The following RANBP17 variants were observed in gnomAD, a reference collection of about 807,000 sequenced individuals.
The protein encoded by RANBP17 is RAN binding protein 17, also known as ran-binding protein 17.
RANBP17 carries 158 observed loss-of-function variants against 141.2 expected under a neutral mutation model. The observed-to-expected ratio is 1.12, with a 90% CI of 0.98 to 1.28. The LOEUF (loss-of-function observed/expected upper bound fraction) is 1.28. Ranked by LOEUF, RANBP17 falls within the 50% of genes most tolerant of loss-of-function variation. The probability of loss-of-function intolerance (pLI) is 0.00; values close to 1 mark genes in which losing one functional copy is unlikely to be tolerated. For missense variants in RANBP17, 1,438 were observed against 1,290.7 expected (o/e 1.11, Z -1.75); for synonymous variants, 430 against 450.0 (o/e 0.96, Z 0.56).
intron 18 of RANBP17, among the ~76,000 whole-genome samples, chr5:171,190,283 A>G (rs765875432): frequency 6.6e-6 from 1 of 152,176 alleles, no homozygotes; most frequent in Non-Finnish European, 1.5e-5. Flanking sequence ...ATTAGATGCT[A>G]TGTGCCCCAG....
At chr5:171,010,561 T>C (rs921809316) in intron 14 of RANBP17, among the ~76,000 whole-genome samples, 66 of 152,116 alleles carry the variant, frequency 4.3e-4, no homozygotes, top group African/African-American at 1.6e-3. Flanking sequence ...AGGCAACTCA[T>C]TGGAAAAAAA....
intron 14 of RANBP17, among the ~76,000 whole-genome samples, chr5:171,007,215 G>A (rs1454113778): frequency 6.6e-6 from 1 of 152,132 alleles, no homozygotes; most frequent in Non-Finnish European, 1.5e-5. Context: ...GAGCCTAAAC[G>A]CTGGCTGATT....
chr5:171,208,360 G>T (rs1036789421), intron 20 of RANBP17, among the ~76,000 whole-genome samples: 1 of 152,160 alleles, frequency 6.6e-6, no homozygotes, highest in African/African-American at 2.4e-5. Flanking sequence ...ATGGTTTCCA[G>T]GGCTGGAGAA....
Position 170,971,149 on chromosome 5 carries a change from A to G in RANBP17, c.1710+2772A>G, listed in dbSNP as rs189190043. 2.4e-4 allele frequency among the ~76,000 whole-genome samples: 37 copies of G among 152,374 alleles called. 1 individual carries two copies. The East Asian group carries it at 6.7e-3, about 28-fold the overall frequency. ...TAATATTAAGCATCTTGAACATTTTATAAAAGCCTGTATAGACAACAGAAT... is the reference window on the plus strand; with the variant it reads ...TAATATTAAGCATCTTGAACATTTTGTAAAAGCCTGTATAGACAACAGAAT... On this transcript the variant is annotated intron_variant, in intron 14 of 27. Transcript: ENST00000523189.
At chr5:170,905,267 A>G (rs1260273753) in intron 5 of RANBP17, among the ~76,000 whole-genome samples, 3 of 152,094 alleles carry the variant, frequency 2.0e-5, no homozygotes, top group African/African-American at 4.8e-5. Context: ...GTTGGGTTCT[A>G]TGTGGAGTAA....
intron 5 of RANBP17, among the ~76,000 whole-genome samples, chr5:170,902,089 TCTC>T (rs1339060945): frequency 6.6e-6 from 1 of 152,194 alleles, no homozygotes; most frequent in African/African-American, 2.4e-5. Flanking sequence ...TTGGGGAAGT[TCTC>T]CTGGATAATA....
intron 9 of RANBP17, 127 bp downstream of exon 9, chr5:170,916,711 T>A: frequency 6.2e-6 from 3 of 486,112 alleles, no homozygotes; most frequent in Middle Eastern, 6.6e-4. Context: ...TATATCTTCC[T>A]TAGAGCTTTT....
At chr5:171,180,922 C>T (rs142177716) in intron 16 of RANBP17, among the ~76,000 whole-genome samples, 1 of 152,184 alleles carries the variant, frequency 6.6e-6, no homozygotes, top group Non-Finnish European at 1.5e-5. Flanking sequence ...ATTAACAGCA[C>T]TGACAGGAAG....
Position 171,132,650 on chromosome 5 carries a change from A to G in RANBP17, c.1711-37480A>G, listed in dbSNP as rs558127939. ...GGCAGGAGAATCCTTTTAGCCTTAG[A>G]GTTTGAGGCTACAGTGAACCCTGAT... On this transcript the variant is annotated intron_variant, in intron 14 of 27. Coordinates refer to ENST00000523189, the MANE Select transcript of RANBP17 (RefSeq NM_022897.5). 3.9e-5 allele frequency among the ~76,000 whole-genome samples: 6 copies of G among 151,944 alleles called. No individual in the cohort carries two copies. The East Asian group carries it at 1.2e-3, about 30-fold the overall frequency.
intron 12 of RANBP17, among the ~76,000 whole-genome samples, chr5:170,928,576 A>G (rs1196557657): frequency 1.3e-5 from 2 of 152,042 alleles, no homozygotes; most frequent in African/African-American, 4.8e-5. Context: ...GTAGAAAAGA[A>G]TATCTTTCTC....
At chr5:171,285,529 A>T (rs978472474) in intron 25 of RANBP17, among the ~76,000 whole-genome samples, 1 of 152,234 alleles carries the variant, frequency 6.6e-6, no homozygotes, top group Admixed American at 6.5e-5. Context: ...CATCAAATCG[A>T]AAAGTGTTCT....
rs543602840 is a variant in RANBP17 at position 170,956,506 on chromosome 5, G to A, written c.1574+2804G>A. 1.2e-3 allele frequency among the ~76,000 whole-genome samples: 184 copies of A among 151,990 alleles called. 2 individuals carry two copies. Among genetic ancestry groups the A allele is most frequent in the Non-Finnish European group, 2.3e-3 (157 of 67,976 alleles). On this transcript the variant is annotated intron_variant, in intron 13 of 27. Coordinates refer to ENST00000523189, the MANE Select transcript of RANBP17 (RefSeq NM_022897.5). ...AATTACTTGAAAATATGAATAACAGGTGTTTGGGGCCTCCTTAAAGTGCTT... is the reference window on the plus strand; with the variant it reads ...AATTACTTGAAAATATGAATAACAGATGTTTGGGGCCTCCTTAAAGTGCTT...
intron 14 of RANBP17, among the ~76,000 whole-genome samples, chr5:171,025,234 C>G (rs1712300828): frequency 6.6e-6 from 1 of 152,070 alleles, no homozygotes; most frequent in South Asian, 2.1e-4. Flanking sequence ...CATTGGACAC[C>G]ATAGCCAGAG....
chr5:171,138,065 T>C (rs1757439876), intron 14 of RANBP17, among the ~76,000 whole-genome samples: 1 of 152,056 alleles, frequency 6.6e-6, no homozygotes, highest in Non-Finnish European at 1.5e-5. Flanking sequence ...AGCTTTAGTA[T>C]TCTCACTTGT....
rs10067243 is a variant in RANBP17 at position 170,940,410 on chromosome 5, C to G, written c.1469-13187C>G. 7.8e-3 allele frequency among the ~76,000 whole-genome samples: 1,181 copies of G among 152,264 alleles called. 14 individuals are homozygous for G. The highest frequency in any genetic ancestry group is 0.023 in the African/African-American group (946 of 41,548). On this transcript the variant is annotated intron_variant, in intron 12 of 27. Transcript: ENST00000523189. ...ACTGACATGATGCTCAGAGGAAATG[C>G]TCATTCAAGCATTAAGAATTTCGGA...
intron 5 of RANBP17, chr5:170,896,341 CAG>C: frequency 2.2e-6 from 1 of 447,106 alleles, no homozygotes; most frequent in Non-Finnish European, 3.9e-6. Flanking sequence ...TTACAAAGAA[CAG>C]AGAATTAGAC....
chr5:170,969,867 A>C (rs555187627), intron 14 of RANBP17, among the ~76,000 whole-genome samples: 2 of 152,142 alleles, frequency 1.3e-5, no homozygotes, highest in South Asian at 4.1e-4. Context: ...TAACTTTAAC[A>C]TTGTTGGTGT....
intron 14 of RANBP17, among the ~76,000 whole-genome samples, chr5:171,079,671 G>A (rs991988398): frequency 6.6e-6 from 1 of 152,170 alleles, no homozygotes; most frequent in African/African-American, 2.4e-5. Context: ...GAAGGCTCAG[G>A]TGATTGTTAG....
intron 18 of RANBP17, among the ~76,000 whole-genome samples, chr5:171,183,831 G>A (rs985718756): frequency 1.3e-5 from 2 of 152,192 alleles, no homozygotes; most frequent in African/African-American, 4.8e-5. Context: ...GTAGGGAATT[G>A]TAAAATTATG....
Sources: gnomAD v4.1 joint callset for allele counts (sites outside exome capture counted in the v4.1 genomes callset) on GRCh38, gnomAD v4.1.1 for gene constraint, MANE v1.5 for transcripts, NCBI Gene and HGNC (gene_info 2026-07-23, HGNC 2026-07-21) for gene names.